The following ATP10B variants were observed in gnomAD, a reference collection of about 807,000 sequenced individuals.
ATP10B encodes phospholipid-transporting ATPase VB.
A neutral mutation model predicts 141.2 loss-of-function variants in ATP10B; 122 were observed. That is an observed-to-expected ratio of 0.86 (90% CI 0.75 to 1.00). The LOEUF is 1.00. ATP10B is among the 50% of genes least tolerant of loss of function. ATP10B has a pLI of 0.00. For missense variants in ATP10B, 1,876 were observed against 1,825.3 expected (o/e 1.03, Z -0.51); for synonymous variants, 685 against 692.0 (o/e 0.99, Z 0.16).
At chr5:160,663,940 GT>G (rs892822305) in intron 7 of ATP10B, among the ~76,000 whole-genome samples, 68 of 152,136 alleles carry the variant, frequency 4.5e-4, no homozygotes, top group African/African-American at 1.6e-3. Flanking sequence ...ATTTTACAGG[GT>G]TTTTTTGAGT....
chr5:160,708,122 G>A (rs1264834825), intron 3 of ATP10B, among the ~76,000 whole-genome samples: 1 of 152,126 alleles, frequency 6.6e-6, no homozygotes, highest in African/African-American at 2.4e-5. Context: ...GGCCACTGAG[G>A]CAGATCCACT....
intron 1 of ATP10B, among the ~76,000 whole-genome samples, chr5:160,803,429 G>A (rs1469674950): frequency 6.6e-6 from 1 of 152,196 alleles, no homozygotes; most frequent in East Asian, 1.9e-4. Flanking sequence ...TGTAATCCCA[G>A]CACTTTGGGA....
At position 160,662,219 on chromosome 5, in the gene ATP10B, C is replaced by T. The variant is rs1761975964; in HGVS notation, c.675+8244G>A. On this transcript the variant is annotated intron_variant, in intron 7 of 25. Coordinates refer to ENST00000327245, the MANE Select transcript of ATP10B (RefSeq NM_025153.3). ...CAATATCATGAAAATGGCCATACTG[C>T]CCAAGGTAATTTATAGATTCAATGC... is the stretch of plus-strand genomic sequence containing the variant. Among the ~76,000 whole-genome samples, 10 of 152,168 alleles carry T rather than the reference C, an allele frequency of 6.6e-5. No homozygotes were observed. In the South Asian group the frequency reaches 2.1e-3, roughly 32 times the overall value.
At chr5:160,636,045 G>A in intron 11 of ATP10B, 137 bp downstream of exon 11, 4 of 1,040,400 alleles carry the variant, frequency 3.8e-6, no homozygotes, top group Non-Finnish European at 5.3e-6. Flanking sequence ...AGACGCACAA[G>A]AAAGCGATGA....
chr5:160,880,715 T>C, the ATP10B span, among the ~76,000 whole-genome samples: 1 of 152,138 alleles, frequency 6.6e-6, no homozygotes, highest in Non-Finnish European at 1.5e-5. Flanking sequence ...TTTCAAGAAA[T>C]GGTGCTGGAA....
chr5:160,588,628 A>G (rs1756070043), intron 24 of ATP10B, among the ~76,000 whole-genome samples: 2 of 152,184 alleles, frequency 1.3e-5, no homozygotes, highest in African/African-American at 2.4e-5. Flanking sequence ...ACTTGCTTCT[A>G]TCTTAAACTG....
intron 1 of ATP10B, among the ~76,000 whole-genome samples, chr5:160,837,705 A>G (rs1431947522): frequency 6.6e-6 from 1 of 152,170 alleles, no homozygotes; most frequent in East Asian, 1.9e-4. Flanking sequence ...CAGAGCAGAA[A>G]TGTAAATAGC....
intron 2 of ATP10B, among the ~76,000 whole-genome samples, chr5:160,765,180 T>TA (rs548266520): frequency 2.6e-5 from 4 of 151,904 alleles, no homozygotes; most frequent in Admixed American, 6.6e-5. Context: ...GCAATTCCCA[T>TA]AAAAAATGCC....
At chr5:160,672,877 T>C (rs1261818385) in intron 6 of ATP10B, among the ~76,000 whole-genome samples, 5 of 152,352 alleles carry the variant, frequency 3.3e-5, no homozygotes, top group Non-Finnish European at 7.3e-5. Flanking sequence ...GGAGGCCCTC[T>C]GGAGAATCTC....
chr5:160,721,804 T>C (rs1025782573), intron 2 of ATP10B, among the ~76,000 whole-genome samples: 1 of 152,264 alleles, frequency 6.6e-6, no homozygotes, highest in African/African-American at 2.4e-5. Context: ...TTCTATGAGA[T>C]GCTCCTGATT....
intron 1 of ATP10B, among the ~76,000 whole-genome samples, chr5:160,832,106 T>C (rs1179999344): frequency 7.5e-6 from 1 of 132,698 alleles, no homozygotes; most frequent in Non-Finnish European, 1.8e-5. Context: ...CCAAGCAGTA[T>C]AGCAATAATA....
At chr5:160,916,309 ATTAATT>A in the ATP10B span, among the ~76,000 whole-genome samples, 1 of 152,228 alleles carries the variant, frequency 6.6e-6, no homozygotes, top group Admixed American at 6.5e-5. Context: ...GCTGAACTTT[ATTAATT>A]TTAGGCAAAT....
At chr5:160,693,419 C>CAT (rs1011928062) in intron 3 of ATP10B, among the ~76,000 whole-genome samples, 1 of 129,612 alleles carries the variant, frequency 7.7e-6, no homozygotes, top group African/African-American at 2.6e-5. Flanking sequence ...CACACACACA[C>CAT]ACACACACAC....
At chr5:160,751,815 G>T (rs1005246636) in intron 2 of ATP10B, among the ~76,000 whole-genome samples, 1 of 152,160 alleles carries the variant, frequency 6.6e-6, no homozygotes, top group Non-Finnish European at 1.5e-5. Context: ...GCACATGGAT[G>T]TGTGCGTGTT....
At chr5:160,696,152 G>A (rs1307003688) in intron 3 of ATP10B, among the ~76,000 whole-genome samples, 2 of 152,036 alleles carry the variant, frequency 1.3e-5, no homozygotes, top group East Asian at 3.9e-4. Flanking sequence ...TGTCGCCCAG[G>A]CTGGAGTGCA....
At chr5:160,887,796 G>A in the ATP10B span, among the ~76,000 whole-genome samples, 1 of 152,210 alleles carries the variant, frequency 6.6e-6, no homozygotes, top group Admixed American at 6.5e-5. Flanking sequence ...TCCTTGTCAA[G>A]GGCCAACTTC....
intron 6 of ATP10B, among the ~76,000 whole-genome samples, chr5:160,683,188 G>A (rs1177450500): frequency 1.3e-5 from 2 of 152,078 alleles, no homozygotes; most frequent in African/African-American, 2.4e-5. Flanking sequence ...CAAAGGCGAG[G>A]AACGACTAAA....
At chr5:160,640,336 TC>T in intron 10 of ATP10B, 124 bp downstream of exon 10, 4 of 1,022,464 alleles carry the variant, frequency 3.9e-6, no homozygotes, top group Non-Finnish European at 5.6e-6. Context: ...TTCATTGGCA[TC>T]CCGTTAAAGT....
chr5:160,582,792 T>G (rs548992205), intron 24 of ATP10B, among the ~76,000 whole-genome samples: 2 of 152,064 alleles, frequency 1.3e-5, no homozygotes, highest in African/African-American at 4.8e-5. Context: ...CCATTCTTTT[T>G]TCTCTAATCT....
Sources: allele counts gnomAD v4.1 joint callset (sites outside exome capture counted in the v4.1 genomes callset), GRCh38; gene constraint gnomAD v4.1.1; transcripts MANE v1.5; gene names NCBI Gene and HGNC (gene_info 2026-07-23, HGNC 2026-07-21).